The following LYPLAL1 variants were observed in gnomAD, a reference collection of about 807,000 sequenced individuals.
LYPLAL1 encodes lysophospholipase like 1.
In LYPLAL1, 23 loss-of-function variants were observed where a neutral mutation model predicts 19.7. The ratio of observed to expected loss-of-function variants is 1.17; its 90% CI spans 0.84 to 1.65. The LOEUF (loss-of-function observed/expected upper bound fraction) is 1.65, where lower values mean the gene tolerates loss of function less well. LYPLAL1 is among the 40% of genes most tolerant of loss of function. The probability of loss-of-function intolerance (pLI) is 0.00; values close to 1 mark genes in which losing one functional copy is unlikely to be tolerated. For synonymous variants in LYPLAL1, 119 were observed against 96.3 expected, an observed-to-expected ratio of 1.24 and a Z score of -1.38; for missense variants, 355 against 279.4, an observed-to-expected ratio of 1.27 and a Z score of -1.93.
At chr1:219,328,110 C>T in the LYPLAL1 span, among the ~76,000 whole-genome samples, 1 of 152,174 alleles carries the variant, frequency 6.6e-6, no homozygotes, top group East Asian at 1.9e-4. Flanking sequence ...ACTTCTCTAA[C>T]CCAGACCAAC....
the LYPLAL1 span, among the ~76,000 whole-genome samples, chr1:219,435,709 C>A: frequency 6.6e-6 from 1 of 151,884 alleles, no homozygotes; most frequent in Non-Finnish European, 1.5e-5. Context: ...GCCTGTAGTC[C>A]CAGCTACTCG....
the LYPLAL1 span, among the ~76,000 whole-genome samples, chr1:219,375,910 T>G: frequency 2.0e-5 from 3 of 151,942 alleles, no homozygotes; most frequent in African/African-American, 7.3e-5. Context: ...CCCAGCTAAC[T>G]TTTTGTACTT....
chr1:219,408,504 A>G, the LYPLAL1 span, among the ~76,000 whole-genome samples: 1 of 152,156 alleles, frequency 6.6e-6, no homozygotes, highest in South Asian at 2.1e-4. Context: ...CCTTGAAGCC[A>G]GAGTCATGTT....
the LYPLAL1 span, among the ~76,000 whole-genome samples, chr1:219,332,815 A>G: frequency 1.5e-3 from 134 of 89,194 alleles, no homozygotes; most frequent in African/African-American, 6.0e-3. Flanking sequence ...GTATTAGCTG[A>G]TTTTCTGCCC....
At chr1:219,375,924 G>A in the LYPLAL1 span, among the ~76,000 whole-genome samples, 1 of 151,888 alleles carries the variant, frequency 6.6e-6, no homozygotes. Context: ...TGTACTTTTA[G>A]TAGAGACGGG....
At chr1:219,257,423 G>A in the LYPLAL1 span, among the ~76,000 whole-genome samples, 9 of 135,674 alleles carry the variant, frequency 6.6e-5, no homozygotes, top group Non-Finnish European at 1.3e-4. Context: ...GTGTTTTAAT[G>A]TAGGTTCTTT....
At chr1:219,312,809 C>T in the LYPLAL1 span, among the ~76,000 whole-genome samples, 2 of 151,848 alleles carry the variant, frequency 1.3e-5, no homozygotes, top group African/African-American at 4.8e-5. Context: ...GGTAGCAGTT[C>T]CTCTTCTCCT....
chr1:219,411,140 C>G, the LYPLAL1 span, among the ~76,000 whole-genome samples: 1 of 121,920 alleles, frequency 8.2e-6, no homozygotes, highest in Non-Finnish European at 1.9e-5. Flanking sequence ...CGTGGAGAGT[C>G]TTTATATCTA....
the LYPLAL1 span, among the ~76,000 whole-genome samples, chr1:219,324,581 A>G: frequency 3.9e-5 from 6 of 152,164 alleles, no homozygotes; most frequent in African/African-American, 1.4e-4. Context: ...GTTACATAGC[A>G]TGTTTTGTAT....
chr1:219,430,907 C>T, the LYPLAL1 span, among the ~76,000 whole-genome samples: 1 of 152,202 alleles, frequency 6.6e-6, no homozygotes, highest in African/African-American at 2.4e-5. Context: ...AAACTCCTGG[C>T]CTCAAATGAT....
chr1:219,428,968 C>T, the LYPLAL1 span, among the ~76,000 whole-genome samples: 12 of 151,992 alleles, frequency 7.9e-5, no homozygotes, highest in African/African-American at 2.2e-4. Flanking sequence ...TGTGCATGCA[C>T]GTGTGTGCGT....
the LYPLAL1 span, among the ~76,000 whole-genome samples, chr1:219,282,676 C>T: frequency 2.0e-5 from 3 of 151,980 alleles, no homozygotes; most frequent in East Asian, 1.9e-4. Context: ...TGGAACAAAG[C>T]GTGAAAAATT....
At chr1:219,218,740 T>C in the LYPLAL1 span, among the ~76,000 whole-genome samples, 1 of 152,172 alleles carries the variant, frequency 6.6e-6, no homozygotes, top group African/African-American at 2.4e-5. Context: ...GCATGTGTTA[T>C]CTTTTTCATA....
chr1:219,380,227 G>GAATAAATGCCTGTGA, the LYPLAL1 span, among the ~76,000 whole-genome samples: 3 of 152,298 alleles, frequency 2.0e-5, no homozygotes, highest in Admixed American at 6.5e-5. Context: ...GAGATTTATC[G>GAATAAATGCCTGTGA]AATAAATGCC....
the LYPLAL1 span, among the ~76,000 whole-genome samples, chr1:219,438,472 T>C: frequency 2.0e-5 from 3 of 152,352 alleles, no homozygotes; most frequent in South Asian, 6.2e-4. Flanking sequence ...TTATTCCTCT[T>C]ATTGAACATG....
At chr1:219,323,386 C>T in the LYPLAL1 span, among the ~76,000 whole-genome samples, 2 of 152,128 alleles carry the variant, frequency 1.3e-5, no homozygotes, top group African/African-American at 4.8e-5. Flanking sequence ...CATTATGTGG[C>T]CTTCATTAGG....
the LYPLAL1 span, among the ~76,000 whole-genome samples, chr1:219,363,547 G>A: frequency 1.3e-5 from 2 of 152,156 alleles, no homozygotes; most frequent in South Asian, 4.1e-4. Flanking sequence ...CTGATCTGCA[G>A]AGGAACTTGT....
chr1:219,290,908 G>A, the LYPLAL1 span, among the ~76,000 whole-genome samples: 7 of 152,184 alleles, frequency 4.6e-5, no homozygotes, highest in African/African-American at 1.7e-4. Context: ...GACCAGCCTG[G>A]TGTAGGAGGT....
chr1:219,254,100 C>A, the LYPLAL1 span, among the ~76,000 whole-genome samples: 1 of 151,960 alleles, frequency 6.6e-6, no homozygotes, highest in African/African-American at 2.4e-5. Flanking sequence ...AAGATCGCAA[C>A]CCCTGCTTTT....
Sources: allele counts gnomAD v4.1 joint callset (sites outside exome capture counted in the v4.1 genomes callset), GRCh38; gene constraint gnomAD v4.1.1; transcripts MANE v1.5; gene names NCBI Gene and HGNC (gene_info 2026-07-23, HGNC 2026-07-21).